DPYSL3: variants seen among roughly 807,000 people sequenced by gnomAD.
The protein encoded by DPYSL3 is dihydropyrimidinase like 3.
DPYSL3 carries 16 observed loss-of-function variants against 66.1 expected under a neutral mutation model. The ratio of observed to expected loss-of-function variants is 0.24; its 90% CI spans 0.16 to 0.37. The LOEUF (loss-of-function observed/expected upper bound fraction) is 0.37. Ranked by LOEUF, DPYSL3 falls within the 10% of genes least tolerant of loss-of-function variation. The pLI is 1.00. For synonymous variants in DPYSL3, 338 were observed against 345.1 expected (o/e 0.98, Z 0.23); for missense variants, 738 against 916.2 (o/e 0.81, Z 2.51).
At chr5:147,432,084 T>G (rs898920903) in intron 1 of DPYSL3, among the ~76,000 whole-genome samples, 1 of 152,176 alleles carries the variant, frequency 6.6e-6, no homozygotes, top group African/African-American at 2.4e-5. Context: ...ACCTCTGAAC[T>G]GCTACAGATG....
intron 1 of DPYSL3, among the ~76,000 whole-genome samples, chr5:147,471,567 C>T (rs1426843099): frequency 6.6e-6 from 1 of 152,068 alleles, no homozygotes; most frequent in African/African-American, 2.4e-5. Flanking sequence ...AATCTAATCA[C>T]TTATGGAGAA....
chr5:147,441,105 C>T (rs997437317), intron 1 of DPYSL3, among the ~76,000 whole-genome samples: 1 of 151,932 alleles, frequency 6.6e-6, no homozygotes, highest in African/African-American at 2.4e-5. Flanking sequence ...TTGGGGCTCC[C>T]TTTTCTGCTC....
intron 1 of DPYSL3, chr5:147,453,495 C>A: frequency 1.3e-6 from 2 of 1,506,846 alleles, no homozygotes; most frequent in Non-Finnish European, 8.9e-7. Flanking sequence ...CCGCCCGCAG[C>A]GCAGCGGACA....
chr5:147,498,042 G>A (rs1753547691), intron 1 of DPYSL3, among the ~76,000 whole-genome samples: 1 of 151,234 alleles, frequency 6.6e-6, no homozygotes, highest in South Asian at 2.1e-4. Context: ...TCACCACTAA[G>A]CCTAGTACTC....
chr5:147,457,702 G>A (rs1268978198), intron 1 of DPYSL3, among the ~76,000 whole-genome samples: 1 of 152,224 alleles, frequency 6.6e-6, no homozygotes, highest in Non-Finnish European at 1.5e-5. Flanking sequence ...ATGCCAATGA[G>A]GCTGATTCAG....
intron 1 of DPYSL3, among the ~76,000 whole-genome samples, chr5:147,442,587 A>G (rs1023886374): frequency 2.6e-5 from 4 of 152,220 alleles, no homozygotes; most frequent in African/African-American, 7.2e-5. Flanking sequence ...CAACTAAAAA[A>G]CAACCGACAA....
chr5:147,465,827 T>A (rs1753001452), intron 1 of DPYSL3, among the ~76,000 whole-genome samples: 1 of 152,194 alleles, frequency 6.6e-6, no homozygotes, highest in African/African-American at 2.4e-5. Context: ...AAGCCTTTGT[T>A]AAGACCACAA....
intron 1 of DPYSL3, among the ~76,000 whole-genome samples, chr5:147,439,252 T>C (rs1752483387): frequency 6.6e-6 from 1 of 151,958 alleles, no homozygotes; most frequent in Non-Finnish European, 1.5e-5. Context: ...TAAGTGAAAT[T>C]TAGAAAAAGG....
intron 11 of DPYSL3, among the ~76,000 whole-genome samples, chr5:147,398,290 T>G (rs368895465): frequency 1.3e-5 from 2 of 152,214 alleles, no homozygotes; most frequent in East Asian, 3.9e-4. Flanking sequence ...CTCCTTCATT[T>G]ACTCAATCAG....
intron 1 of DPYSL3, among the ~76,000 whole-genome samples, chr5:147,492,572 A>G (rs1490713051): frequency 6.6e-6 from 1 of 152,118 alleles, no homozygotes; most frequent in African/African-American, 2.4e-5. Context: ...TACTTGCACT[A>G]CTCATAAAAT....
intron 1 of DPYSL3, among the ~76,000 whole-genome samples, chr5:147,494,571 G>A (rs1271899047): frequency 6.6e-6 from 1 of 151,606 alleles, no homozygotes; most frequent in Non-Finnish European, 1.5e-5. Context: ...GATGTCAAAA[G>A]AATAATAAAG....
chr5:147,424,856 A>T lies in DPYSL3; in HGVS notation c.470+19T>A. 6.4e-7 allele frequency: 1 copy of T among 1,560,752 alleles called. No homozygotes were observed. Among genetic ancestry groups the T allele is most frequent in the East Asian group, 2.3e-5 (1 of 44,258 alleles). ...GGAGGAAGTGCAAAACAATAAAGAG[A>T]AGAATTCCATATACATACTTTATTA... On this transcript the variant is annotated intron_variant, in intron 2 of 13. Transcript: ENST00000343218.
At position 147,413,668 on chromosome 5, in the gene DPYSL3, G is replaced by C; in HGVS notation, c.821-11C>G. 1 of 1,604,772 alleles carries C rather than the reference G, an allele frequency of 6.2e-7. No homozygotes were observed. Among genetic ancestry groups the C allele is most frequent in the Non-Finnish European group, 8.5e-7 (1 of 1,174,804 alleles). On this transcript the variant is annotated splice_polypyrimidine_tract_variant and intron_variant, in intron 4 of 13. Coordinates refer to ENST00000343218, the MANE Select transcript of DPYSL3 (RefSeq NM_001197294.2). ...TGAAGGAGTTAACCCCTGCAAAAGA[G>C]GGACAGGAGGAAAAACAAGAGAAAG... is the stretch of plus-strand genomic sequence containing the variant.
At chr5:147,506,494 T>C (rs2126465222) in intron 1 of DPYSL3, among the ~76,000 whole-genome samples, 1 of 152,222 alleles carries the variant, frequency 6.6e-6, no homozygotes, top group South Asian at 2.1e-4. Flanking sequence ...ACATATTCAG[T>C]TCTGGGCACT....
rs1391681221 is a variant in DPYSL3, at chr5:147,435,846, A to T, written c.382-10883T>A. 2.0e-5 allele frequency among the ~76,000 whole-genome samples: 3 copies of T among 152,350 alleles called. No individual in the cohort carries two copies. The East Asian group carries it at 5.8e-4, about 29-fold the overall frequency. ...AGAAATTACTTAACAAAGTGTGGGCAGTGTTTAGGGCAAATAAATGGATAT... is the reference window on the plus strand; with the variant it reads ...AGAAATTACTTAACAAAGTGTGGGCTGTGTTTAGGGCAAATAAATGGATAT... On this transcript the variant is annotated intron_variant, in intron 1 of 13. Coordinates refer to ENST00000343218, the MANE Select transcript of DPYSL3 (RefSeq NM_001197294.2).
chr5:147,394,032 T>G lies in DPYSL3; in HGVS notation c.*3A>C, dbSNP rs1414994738. On this transcript the variant is annotated 3_prime_UTR_variant, in exon 14 of 14. Transcript: ENST00000343218. ...TCTGCCCCTCTCTTTGAGGAAGGCT[T>G]GCTTAACTCAGAGATGTGATATTAG... 1 of 1,614,066 alleles carries G rather than the reference T, an allele frequency of 6.2e-7. No homozygotes were observed. The highest frequency in any genetic ancestry group is 2.2e-5 in the East Asian group (1 of 44,868).
At chr5:147,497,161 A>T (rs1319463416) in intron 1 of DPYSL3, among the ~76,000 whole-genome samples, 1 of 151,302 alleles carries the variant, frequency 6.6e-6, no homozygotes, top group East Asian at 2.0e-4. Flanking sequence ...CAAAAAACCA[A>T]ACACTGCATG....
At chr5:147,460,488 T>C (rs969363691) in intron 1 of DPYSL3, among the ~76,000 whole-genome samples, 2 of 152,142 alleles carry the variant, frequency 1.3e-5, no homozygotes, top group African/African-American at 4.8e-5. Flanking sequence ...CAAAGGGATT[T>C]TGTGATTAAG....
intron 1 of DPYSL3, among the ~76,000 whole-genome samples, chr5:147,469,861 C>T (rs186230071): frequency 1.4e-4 from 22 of 152,304 alleles, no homozygotes; most frequent in African/African-American, 5.3e-4. Flanking sequence ...GATCCACAAG[C>T]GCCTCAGTTA....
Sources: gnomAD v4.1 joint callset for allele counts (sites outside exome capture counted in the v4.1 genomes callset) on GRCh38, gnomAD v4.1.1 for gene constraint, MANE v1.5 for transcripts, NCBI Gene and HGNC (gene_info 2026-07-23, HGNC 2026-07-21) for gene names.